DDX52: variants seen among roughly 807,000 people sequenced by gnomAD.
DDX52 encodes the protein probable ATP-dependent RNA helicase DDX52.
Under a neutral mutation model 76.1 loss-of-function variants are expected in DDX52, and 59 were observed. The observed-to-expected ratio is 0.78, with a 90% CI of 0.63 to 0.96. DDX52 has a LOEUF of 0.96. Ranked by LOEUF, DDX52 falls within the 40% of genes least tolerant of loss-of-function variation. The probability of loss-of-function intolerance (pLI) is 0.00; values close to 1 mark genes in which losing one functional copy is unlikely to be tolerated. For missense variants in DDX52, 707 were observed against 703.9 expected (o/e 1.00, Z -0.05); for synonymous variants, 231 against 244.1 (o/e 0.95, Z 0.50).
chr17:37,630,666 G>A (rs1209099224), intron 4 of DDX52: 1 of 138,358 alleles, frequency 7.2e-6, no homozygotes, highest in Non-Finnish European at 1.5e-5. Flanking sequence ...TTTTGACACA[G>A]AGTCTCACTC....
At chr17:37,616,603 C>T (rs901818237) in intron 14 of DDX52, among the ~76,000 whole-genome samples, 7 of 150,814 alleles carry the variant, frequency 4.6e-5, no homozygotes, top group Non-Finnish European at 8.8e-5. Flanking sequence ...TGCAGTGAGC[C>T]GAGATTGCGA....
At chr17:37,621,050 C>T in intron 11 of DDX52, 77 bp downstream of exon 11, 1 of 1,553,924 alleles carries the variant, frequency 6.4e-7, no homozygotes, top group Non-Finnish European at 8.7e-7. Flanking sequence ...AAGAAGTGAG[C>T]ATATGTGCAG....
intron 2 of DDX52, chr17:37,639,316 T>C (rs191687585): frequency 2.4e-6 from 2 of 828,002 alleles, no homozygotes; most frequent in African/African-American, 3.7e-5. Flanking sequence ...AAAAGTCTCA[T>C]ACCTTGCTGG....
Position 37,614,118 on chromosome 17 carries a change from C to T in DDX52, c.*178G>A, listed in dbSNP as rs777493933. On this transcript the variant is annotated 3_prime_UTR_variant, in exon 15 of 15. Coordinates refer to ENST00000617633, the MANE Select transcript of DDX52 (RefSeq NM_007010.5). ...ATCTCTACAGGAAAAAAAAAAGGCA[C>T]CTACAAATTGAAACTGACTTGATAG... 4.1e-5 allele frequency: 26 copies of T among 640,222 alleles called. No individual in the cohort carries two copies. In the Admixed American group the frequency reaches 7.0e-4, roughly 17 times the overall value. 39.7% of individuals were successfully genotyped at this position (640,222 alleles called of 1,614,324 possible). A position where few individuals can be genotyped will look rare whatever the true frequency, so the allele number is the denominator to read the frequency against.
At chr17:37,642,604 C>G (rs981460237) in intron 1 of DDX52, 2 of 321,440 alleles carry the variant, frequency 6.2e-6, no homozygotes, top group African/African-American at 4.4e-5. Context: ...AGCAGTATTA[C>G]GAATGAGAAA....
At chr17:37,642,947 A>C (rs2031269984) in intron 1 of DDX52, 1 of 170,434 alleles carries the variant, frequency 5.9e-6, no homozygotes, top group Non-Finnish European at 1.2e-5. Context: ...TACGCATGCC[A>C]AGCCAAACTT....
In DDX52 at chr17:37,611,967, A is replaced by C. The variant is rs924398790; in HGVS notation, c.*2329T>G. Reference sequence around the variant, plus strand: ...CAGACCCTGTTTCTCAAAAAAAAAAAAAAAAACAAAACAAAAAAACTCATA... The same window carrying C: ...CAGACCCTGTTTCTCAAAAAAAAAACAAAAAACAAAACAAAAAAACTCATA... On this transcript the variant is annotated 3_prime_UTR_variant, in exon 15 of 15. Coordinates refer to ENST00000617633, the MANE Select transcript of DDX52 (RefSeq NM_007010.5). 4 of 149,148 alleles carry C rather than the reference A, an allele frequency of 2.7e-5. No individual in the cohort carries two copies. The highest frequency in any genetic ancestry group is 1.3e-4 in the Admixed American group (2 of 14,928). 9.2% of individuals were successfully genotyped at this position (149,148 alleles called of 1,614,324 possible).
chr17:37,626,178 C>T, intron 7 of DDX52, 80 bp from the exon 8 acceptor site: 1 of 1,443,370 alleles, frequency 6.9e-7, no homozygotes, highest in Non-Finnish European at 9.6e-7. Context: ...ACAGTGGACA[C>T]ATGAGGAAGT....
intron 2 of DDX52, chr17:37,635,403 T>C (rs373897800): frequency 7.3e-5 from 23 of 315,254 alleles, no homozygotes; most frequent in African/African-American, 4.8e-4. Flanking sequence ...ACCACCAATC[T>C]AATTTCTGCC....
chr17:37,635,502 A>G, intron 2 of DDX52: 1 of 423,348 alleles, frequency 2.4e-6, no homozygotes, highest in Non-Finnish European at 4.7e-6. Context: ...TTCACTCAAG[A>G]TAGTTGTTTT....
chr17:37,621,770 C>T (rs1001619430), intron 9 of DDX52, among the ~76,000 whole-genome samples: 3 of 152,220 alleles, frequency 2.0e-5, no homozygotes, highest in African/African-American at 4.8e-5. Flanking sequence ...AATCCCCCTA[C>T]ACCCCACTAT....
intron 14 of DDX52, among the ~76,000 whole-genome samples, chr17:37,614,580 C>A (rs181867387): frequency 8.7e-4 from 133 of 152,352 alleles, no homozygotes; most frequent in African/African-American, 2.9e-3. Flanking sequence ...CATGGTATGA[C>A]ACATAGGTTC....
intron 9 of DDX52, among the ~76,000 whole-genome samples, chr17:37,622,939 C>T (rs995226160): frequency 6.6e-6 from 1 of 152,042 alleles, no homozygotes; most frequent in Non-Finnish European, 1.5e-5. Flanking sequence ...TATTATTATC[C>T]CATTTTACAG....
At chr17:37,631,749 A>G (rs2030692134) in intron 4 of DDX52, 2 of 215,798 alleles carry the variant, frequency 9.3e-6, no homozygotes, top group Admixed American at 5.2e-5. Flanking sequence ...ATGAATGAAT[A>G]GAACATAATC....
chr17:37,637,341 G>A (rs1017516398), intron 2 of DDX52, among the ~76,000 whole-genome samples: 6 of 151,594 alleles, frequency 4.0e-5, no homozygotes, highest in African/African-American at 1.5e-4. Context: ...ATGTTGGCCA[G>A]GCTGGTTTCG....
chr17:37,642,385 C>T (rs1352748820), intron 1 of DDX52, 77 bp from the exon 2 acceptor site: 5 of 1,462,422 alleles, frequency 3.4e-6, no homozygotes, highest in East Asian at 4.9e-5. Flanking sequence ...TGTTCAATGA[C>T]TCCTCATCTT....
At chr17:37,621,364 TCTTC>T (rs2030080638) in intron 10 of DDX52, 30 bp downstream of exon 10, 1 of 1,599,464 alleles carries the variant, frequency 6.3e-7, no homozygotes. Flanking sequence ...ATCAAGTAGT[TCTTC>T]TGAGTTTCAA....
chr17:37,633,543 C>T, intron 2 of DDX52, 125 bp from the exon 3 acceptor site: 4 of 662,748 alleles, frequency 6.0e-6, no homozygotes, highest in Non-Finnish European at 8.3e-6. Flanking sequence ...GTAGTCCCAG[C>T]TACTTAGGAG....
chr17:37,626,583 A>C (rs571630814), intron 7 of DDX52, among the ~76,000 whole-genome samples: 12 of 152,236 alleles, frequency 7.9e-5, no homozygotes, highest in Non-Finnish European at 1.3e-4. Context: ...AACATAGCTT[A>C]ATGTACCTAT....
Sources: allele counts gnomAD v4.1 joint callset (sites outside exome capture counted in the v4.1 genomes callset), GRCh38; gene constraint gnomAD v4.1.1; transcripts MANE v1.5; gene names NCBI Gene and HGNC (gene_info 2026-07-23, HGNC 2026-07-21).